FHIT: variants seen among roughly 807,000 people sequenced by gnomAD.
The protein encoded by FHIT is fragile histidine triad diadenosine triphosphatase.
Under a neutral mutation model 17.9 loss-of-function variants are expected in FHIT, and 19 were observed. The observed-to-expected ratio is 1.06, with a 90% CI of 0.74 to 1.56. FHIT has a LOEUF of 1.56. Among genes scored for constraint, FHIT ranks in the 40% most tolerant of loss-of-function variants. FHIT has a pLI of 0.00. For synonymous variants in FHIT, 81 were observed against 69.7 expected (o/e 1.16, Z -0.81); for missense variants, 248 against 189.2 (o/e 1.31, Z -1.82).
At chr3:60,472,469 C>T (rs567633098) in intron 5 of FHIT, among the ~76,000 whole-genome samples, 127 of 151,112 alleles carry the variant, frequency 8.4e-4, no homozygotes, top group African/African-American at 3.0e-3. Flanking sequence ...CCCAGGTTCA[C>T]GCCATTCTCC....
intron 7 of FHIT, among the ~76,000 whole-genome samples, chr3:59,986,574 TACACAC>T (rs1203741421): frequency 1.7e-5 from 1 of 59,810 alleles, no homozygotes; most frequent in Non-Finnish European, 2.9e-5. Context: ...CACACATATA[TACACAC>T]ACACACACAC....
intron 7 of FHIT, among the ~76,000 whole-genome samples, chr3:60,010,416 T>C (rs530434615): frequency 6.6e-6 from 1 of 152,346 alleles, no homozygotes; most frequent in African/African-American, 2.4e-5. Context: ...TTCCCAGAGA[T>C]TGTATTTTAA....
intron 8 of FHIT, among the ~76,000 whole-genome samples, chr3:59,904,572 C>T (rs184930542): frequency 2.6e-5 from 4 of 152,288 alleles, no homozygotes; most frequent in African/African-American, 4.8e-5. Context: ...GAACCCCTGG[C>T]CAGTGATGCC....
chr3:60,377,198 A>G (rs1700598046), intron 5 of FHIT, among the ~76,000 whole-genome samples: 1 of 141,830 alleles, frequency 7.1e-6, no homozygotes, highest in South Asian at 2.4e-4. Flanking sequence ...AGAGAAAGCC[A>G]TTAAGCTTTT....
intron 5 of FHIT, among the ~76,000 whole-genome samples, chr3:60,501,339 T>C (rs984810128): frequency 3.3e-5 from 5 of 152,208 alleles, no homozygotes; most frequent in Non-Finnish European, 7.3e-5. Context: ...ATTTAAACAG[T>C]AATTTGAGTC....
intron 7 of FHIT, among the ~76,000 whole-genome samples, chr3:59,976,989 T>C (rs1026940512): frequency 4.4e-4 from 67 of 152,036 alleles, no homozygotes; most frequent in African/African-American, 9.9e-4. Flanking sequence ...CTGGTTGGGG[T>C]TGGGGTCTCT....
At chr3:60,381,016 C>G (rs1259158653) in intron 5 of FHIT, among the ~76,000 whole-genome samples, 3 of 152,138 alleles carry the variant, frequency 2.0e-5, no homozygotes, top group Non-Finnish European at 2.9e-5. Context: ...GACCTTGTAG[C>G]CTTTGAAACT....
Position 61,179,052 on chromosome 3 carries a change from C to A in FHIT, c.-164+21565G>T, listed in dbSNP as rs1457993578. Among the ~76,000 whole-genome samples, 6 of 144,926 alleles carry A rather than the reference C, an allele frequency of 4.1e-5. 1 individual carries two copies. Among genetic ancestry groups the A allele is most frequent in the African/African-American group, 1.6e-4 (6 of 38,078 alleles). On this transcript the variant is annotated intron_variant, in intron 2 of 9. Transcript: ENST00000492590. ...TTGAGACAGAGTCTCACTCTGTTGC[C>A]CAGGATGGAATGCAGCAGTGCGATC... is the stretch of plus-strand genomic sequence containing the variant.
At chr3:59,975,000 T>C (rs2107403461) in intron 7 of FHIT, among the ~76,000 whole-genome samples, 1 of 152,270 alleles carries the variant, frequency 6.6e-6, no homozygotes, top group African/African-American at 2.4e-5. Context: ...TTTTCTTCAT[T>C]GCACTAATCG....
intron 8 of FHIT, among the ~76,000 whole-genome samples, chr3:59,867,955 G>A (rs757977987): frequency 8.1e-5 from 12 of 147,642 alleles, no homozygotes; most frequent in Non-Finnish European, 1.0e-4. Flanking sequence ...GCTGGTGACA[G>A]TCTTGAGGCT....
intron 3 of FHIT, among the ~76,000 whole-genome samples, chr3:60,866,183 C>G (rs1275466778): frequency 6.6e-6 from 1 of 152,138 alleles, no homozygotes; most frequent in Non-Finnish European, 1.5e-5. Context: ...TAATCTGAGT[C>G]TCCTTCCACA....
At chr3:60,779,189 C>T (rs1700303645) in intron 4 of FHIT, among the ~76,000 whole-genome samples, 1 of 152,170 alleles carries the variant, frequency 6.6e-6, no homozygotes, top group Non-Finnish European at 1.5e-5. Context: ...CTCAGTCCTA[C>T]CATAATTTTT....
At chr3:61,179,730 A>AAAC in intron 2 of FHIT, among the ~76,000 whole-genome samples, 1 of 150,620 alleles carries the variant, frequency 6.6e-6, no homozygotes, top group Admixed American at 6.6e-5. Flanking sequence ...AAAAAAAAAA[A>AAAC]AAACCACCCA....
rs531978931 is a variant in FHIT, at chr3:60,864,864, A to C, written c.-110-42853T>G. Among the ~76,000 whole-genome samples, 6 of 152,282 alleles carry C rather than the reference A, an allele frequency of 3.9e-5. No homozygotes were observed. In the South Asian group the frequency reaches 1.0e-3, roughly 26 times the overall value. ...AGAAAACACCCTTTGAAAATGCATCAAAACCCTAAAAGATTCGATTAACTC... is the reference window on the plus strand; with the variant it reads ...AGAAAACACCCTTTGAAAATGCATCCAAACCCTAAAAGATTCGATTAACTC... On this transcript the variant is annotated intron_variant, in intron 3 of 9. Coordinates refer to ENST00000492590, the MANE Select transcript of FHIT (RefSeq NM_002012.4).
At chr3:60,181,201 A>G (rs1290846929) in intron 5 of FHIT, among the ~76,000 whole-genome samples, 3 of 141,712 alleles carry the variant, frequency 2.1e-5, no homozygotes, top group Non-Finnish European at 3.0e-5. Flanking sequence ...GCTGGAGTGC[A>G]GTGGTACAAT....
At chr3:60,974,156 T>C (rs186972499) in intron 3 of FHIT, among the ~76,000 whole-genome samples, 1 of 152,326 alleles carries the variant, frequency 6.6e-6, no homozygotes, top group East Asian at 1.9e-4. Flanking sequence ...TGATATCAAG[T>C]TATTTGAAAT....
chr3:61,242,158 TCAGAAAAAC>T (rs2040388482), intron 1 of FHIT, among the ~76,000 whole-genome samples: 1 of 151,994 alleles, frequency 6.6e-6, no homozygotes, highest in African/African-American at 2.4e-5. Flanking sequence ...TTTCTATGAG[TCAGAAAAAC>T]AACTTTCCAA....
At chr3:60,701,208 C>T (rs1049250040) in intron 4 of FHIT, among the ~76,000 whole-genome samples, 30 of 150,462 alleles carry the variant, frequency 2.0e-4, no homozygotes, top group Admixed American at 9.3e-4. Flanking sequence ...ACTGCAGCCT[C>T]GACTTCCCTG....
intron 5 of FHIT, among the ~76,000 whole-genome samples, chr3:60,450,881 C>T (rs1386254568): frequency 6.6e-6 from 1 of 152,076 alleles, no homozygotes; most frequent in East Asian, 1.9e-4. Flanking sequence ...ATTTAACAGC[C>T]AGGTCCATAT....
Sources: gnomAD v4.1 joint callset for allele counts (sites outside exome capture counted in the v4.1 genomes callset) on GRCh38, gnomAD v4.1.1 for gene constraint, MANE v1.5 for transcripts, NCBI Gene and HGNC (gene_info 2026-07-23, HGNC 2026-07-21) for gene names.